The following MSI2 variants were observed in gnomAD, a reference collection of about 807,000 sequenced individuals.
MSI2 encodes musashi RNA binding protein 2, also known as RNA-binding protein Musashi homolog 2.
Under a neutral mutation model 45.6 loss-of-function variants are expected in MSI2, and 17 were observed. The ratio of observed to expected loss-of-function variants is 0.37; its 90% CI spans 0.26 to 0.56. MSI2 has a LOEUF of 0.56. Among genes scored for constraint, MSI2 ranks in the 20% least tolerant of loss-of-function variants. The pLI is 0.77. For synonymous variants in MSI2, 156 were observed against 158.2 expected, an observed-to-expected ratio of 0.99 and a Z score of 0.11; for missense variants, 293 against 444.2, an observed-to-expected ratio of 0.66 and a Z score of 3.06.
At chr17:57,303,046 G>A (rs942832189) in intron 5 of MSI2, among the ~76,000 whole-genome samples, 3 of 152,238 alleles carry the variant, frequency 2.0e-5, no homozygotes, top group African/African-American at 7.2e-5. Context: ...GTGATCAGAG[G>A]CCAGAGCGGG....
At chr17:57,361,284 G>C (rs779950199) in intron 5 of MSI2, among the ~76,000 whole-genome samples, 2 of 152,042 alleles carry the variant, frequency 1.3e-5, no homozygotes, top group Non-Finnish European at 2.9e-5. Context: ...TTACAATAAA[G>C]TAAGCTAGAC....
At chr17:57,594,548 G>A (rs550399447) in intron 7 of MSI2, among the ~76,000 whole-genome samples, 6 of 152,274 alleles carry the variant, frequency 3.9e-5, no homozygotes, top group South Asian at 2.1e-4. Flanking sequence ...GCTTGGGGAA[G>A]TGTCGGTGTG....
At chr17:57,295,388 A>G (rs1174966104) in intron 5 of MSI2, among the ~76,000 whole-genome samples, 1 of 152,158 alleles carries the variant, frequency 6.6e-6, no homozygotes, top group Non-Finnish European at 1.5e-5. Context: ...CCCAGAGCAT[A>G]TCAAAGATGG....
At chr17:57,355,361 G>T (rs542381395) in intron 5 of MSI2, among the ~76,000 whole-genome samples, 2 of 152,324 alleles carry the variant, frequency 1.3e-5, no homozygotes, top group South Asian at 4.1e-4. Context: ...TAGGTCACAG[G>T]TCCAGCCCTT....
chr17:57,304,419 T>C (rs1253651207), intron 5 of MSI2, among the ~76,000 whole-genome samples: 1 of 130,058 alleles, frequency 7.7e-6, no homozygotes, highest in Non-Finnish European at 1.6e-5. Context: ...TAAAGAGTAA[T>C]TTTTTTTTTT....
At chr17:57,495,955 AGTCTTTTGC>A (rs2085971361) in intron 6 of MSI2, among the ~76,000 whole-genome samples, 1 of 152,156 alleles carries the variant, frequency 6.6e-6, no homozygotes, top group South Asian at 2.1e-4. Context: ...TTGTCTAGGG[AGTCTTTTGC>A]TATGGCTCAG....
intron 6 of MSI2, among the ~76,000 whole-genome samples, chr17:57,420,508 T>C (rs532095884): frequency 6.6e-6 from 1 of 152,206 alleles, no homozygotes; most frequent in East Asian, 1.9e-4. Context: ...TCTTGAAGAG[T>C]CTCCGAGACC....
chr17:57,388,288 C>G (rs966510833), intron 5 of MSI2, among the ~76,000 whole-genome samples: 1 of 152,164 alleles, frequency 6.6e-6, no homozygotes, highest in Non-Finnish European at 1.5e-5. Context: ...TGGAAGAGGC[C>G]AGATCAGCAT....
chr17:57,589,555 C>T (rs1258459198), intron 7 of MSI2, among the ~76,000 whole-genome samples: 1 of 108,170 alleles, frequency 9.2e-6, no homozygotes, highest in Non-Finnish European at 2.0e-5. Context: ...CTGGGGACAG[C>T]CCGAGGTGTG....
At chr17:57,291,686 G>T (rs551079395) in intron 5 of MSI2, among the ~76,000 whole-genome samples, 4 of 152,106 alleles carry the variant, frequency 2.6e-5, no homozygotes, top group African/African-American at 9.7e-5. Flanking sequence ...AGCAGGTCCC[G>T]CACTTGAATT....
rs893605418 is a variant in MSI2 at position 57,281,366 on chromosome 17, C to T, written c.312+19174C>T. Among the ~76,000 whole-genome samples the T allele has an allele frequency of 5.3e-5, 8 of 152,330 alleles. No individual in the cohort carries two copies. In the South Asian group the frequency reaches 1.5e-3, roughly 28 times the overall value. On this transcript the variant is annotated intron_variant, in intron 5 of 13. Transcript: ENST00000284073. The stretch of plus-strand genomic sequence containing the variant: ...TGAGCTCATGTGGGCCACTCTTCCC[C>T]GTCTCTCTGGTGGATTGATAATCAT...
At chr17:57,403,939 A>ATG (rs879263790) in intron 6 of MSI2, among the ~76,000 whole-genome samples, 21,863 of 141,460 alleles carry the variant, frequency 0.15, 1,722 homozygotes, top group African/African-American at 0.23. Context: ...ATGTGCACAC[A>ATG]CACACACACA....
chr17:57,459,869 C>G (rs2085190104), intron 6 of MSI2, among the ~76,000 whole-genome samples: 1 of 151,980 alleles, frequency 6.6e-6, no homozygotes, highest in Non-Finnish European at 1.5e-5. Context: ...TGGCTCACAC[C>G]TGTAATCTCA....
chr17:57,469,569 C>G (rs1465936556), intron 6 of MSI2, among the ~76,000 whole-genome samples: 1 of 152,198 alleles, frequency 6.6e-6, no homozygotes, highest in Non-Finnish European at 1.5e-5. Flanking sequence ...GATTTTGGTT[C>G]TTACCCAGGG....
chr17:57,680,875 TC>T lies in MSI2; in HGVS notation c.*1363del. The T allele has an allele frequency of 4.9e-6, 1 of 203,440 alleles. No individual in the cohort carries two copies. Among genetic ancestry groups the T allele is most frequent in the Admixed American group, 6.0e-5 (1 of 16,676 alleles). 12.6% of individuals were successfully genotyped at this position (203,440 alleles called of 1,614,324 possible). A position where few individuals can be genotyped will look rare whatever the true frequency, so the allele number is the denominator to read the frequency against. On this transcript the variant is annotated 3_prime_UTR_variant, in exon 14 of 14. Transcript: ENST00000284073. ...TCCCTAGGACACTTTGCCTCTCTTC[TC>T]CCCCTGCCCCCCACCCTGCTCCCAC... is the stretch of plus-strand genomic sequence containing the variant.
At chr17:57,550,508 TG>T (rs1275493037) in intron 7 of MSI2, among the ~76,000 whole-genome samples, 3 of 152,182 alleles carry the variant, frequency 2.0e-5, no homozygotes, top group African/African-American at 4.8e-5. Context: ...GGTTTGGATT[TG>T]GGGGGGTCAC....
At chr17:57,390,646 G>T (rs1272487464) in intron 5 of MSI2, among the ~76,000 whole-genome samples, 1 of 152,202 alleles carries the variant, frequency 6.6e-6, no homozygotes, top group African/African-American at 2.4e-5. Flanking sequence ...GGAGGGTTTG[G>T]GGGATGGGGT....
intron 7 of MSI2, among the ~76,000 whole-genome samples, chr17:57,531,003 G>A (rs912352571): frequency 3.9e-5 from 6 of 152,116 alleles, no homozygotes; most frequent in Non-Finnish European, 7.4e-5. Flanking sequence ...TGGAGAAGCA[G>A]GGAGAGAAAG....
intron 5 of MSI2, among the ~76,000 whole-genome samples, chr17:57,346,349 G>GT (rs779101521): frequency 6.5e-5 from 3 of 46,302 alleles, no homozygotes; most frequent in African/African-American, 1.1e-4. Flanking sequence ...AACACATTTT[G>GT]GGGGGGGGGG....
Sources: gnomAD v4.1 joint callset for allele counts (sites outside exome capture counted in the v4.1 genomes callset) on GRCh38, gnomAD v4.1.1 for gene constraint, MANE v1.5 for transcripts, NCBI Gene and HGNC (gene_info 2026-07-23, HGNC 2026-07-21) for gene names.